The following GRK1 variants were observed in gnomAD, a reference collection of about 807,000 sequenced individuals.
GRK1 encodes G protein-coupled receptor kinase 1.
GRK1 carries 28 observed loss-of-function variants against 41.7 expected under a neutral mutation model. The observed-to-expected ratio is 0.67, with a 90% CI of 0.50 to 0.92. The LOEUF (loss-of-function observed/expected upper bound fraction) is 0.92, where lower values mean the gene tolerates loss of function less well. Among genes scored for constraint, GRK1 ranks in the 40% least tolerant of loss-of-function variants. The pLI, the probability that GRK1 is intolerant of heterozygous loss-of-function variation, is 0.00. For missense variants in GRK1, 703 were observed against 671.2 expected (o/e 1.05, Z -0.52); for synonymous variants, 327 against 286.7 (o/e 1.14, Z -1.42).
chr13:113,735,212 G>C lies in GRK1; in HGVS notation c.1541G>C (p.Cys514Ser), dbSNP rs771561763. The change falls in exon 7 of 7, where the codon TGC becomes TCC. Residue 514 changes from cysteine to serine, a missense_variant. By Grantham distance (112) the Cys-to-Ser change is moderately radical. Transcript: ENST00000335678. ...EFFQEFATGN[C>S]PIPWQEEMIE... ...TTTCAGGAATTTGCCACTGGCAACT[G>C]CCCCATCCCCTGGCAGGAGGAGATG... 3.4e-5 allele frequency: 53 copies of C among 1,537,052 alleles called. No individual in the cohort carries two copies. The highest frequency in any genetic ancestry group is 4.3e-5 in the Non-Finnish European group (49 of 1,146,898).
Position 113,735,599 on chromosome 13 carries a change from T to C in GRK1, c.*236T>C. ...CGACTGCATATTTCACGTCTTTTGC[T>C]CCATCTCACTGAGAAGACATAAGAT... On this transcript the variant is annotated 3_prime_UTR_variant, in exon 7 of 7. Coordinates refer to ENST00000335678, the MANE Select transcript of GRK1 (RefSeq NM_002929.3). The C allele has an allele frequency of 2.2e-6, 1 of 450,764 alleles. No individual in the cohort carries two copies. Among genetic ancestry groups the C allele is most frequent in the Non-Finnish European group, 3.9e-6 (1 of 257,104 alleles). 27.9% of individuals were successfully genotyped at this position (450,764 alleles called of 1,614,324 possible). A position where few individuals can be genotyped will look rare whatever the true frequency, so the allele number is the denominator to read the frequency against.
rs1333325602 is a variant in GRK1 at position 113,671,962 on chromosome 13, G to T, written c.985+306G>T. ...TCTCAGAAATAAACACGAGGGTTTA[G>T]GCTCCCGACAGCGGCAGGTCAGGCA... On this transcript the variant is annotated intron_variant, in intron 3 of 6. Coordinates refer to ENST00000335678, the MANE Select transcript of GRK1 (RefSeq NM_002929.3). The surrounding 1 kb of genome is among the most constrained non-coding windows in gnomAD (Gnocchi z 4.1). 6.6e-6 allele frequency among the ~76,000 whole-genome samples: 1 copy of T among 152,024 alleles called. No homozygotes were observed. Among genetic ancestry groups the T allele is most frequent in the African/African-American group, 2.4e-5 (1 of 41,394 alleles).
chr13:113,723,813 T>C (rs1027831541), intron 4 of GRK1, among the ~76,000 whole-genome samples: 2 of 148,824 alleles, frequency 1.3e-5, no homozygotes, highest in Admixed American at 6.7e-5. Context: ...TGTGTGCCTG[T>C]GTGCCCATGC....
chr13:113,672,019 G>A (rs2049860913), intron 3 of GRK1, among the ~76,000 whole-genome samples: 1 of 151,600 alleles, frequency 6.6e-6, no homozygotes, highest in Admixed American at 6.6e-5. Context: ...CCCTGAGAGA[G>A]TGCGTGGGGG....
chr13:113,728,298 CCCATGGCGATGAGGAA>C, intron 4 of GRK1, among the ~76,000 whole-genome samples: 1 of 112,206 alleles, frequency 8.9e-6, no homozygotes, highest in South Asian at 2.8e-4. Flanking sequence ...ATGAGGAGTA[CCCATGGCGATGAGGAA>C]TACCCATGGC....
At position 113,667,729 on chromosome 13, in the gene GRK1, C is replaced by T; in HGVS notation, c.343C>T (p.Leu115=). Residue 115 remains leucine, a synonymous_variant, in exon 1 of 7, where the codon CTG becomes TTG. Coordinates refer to ENST00000335678, the MANE Select transcript of GRK1 (RefSeq NM_002929.3). The surrounding 1 kb of genome is among the most constrained non-coding windows in gnomAD (Gnocchi z 7.5). ...QKAQTILAQY[L]DPQAKLFCSF... ...GGCCCAGACCATCCTGGCCCAGTAC[C>T]TGGACCCCCAGGCCAAACTCTTCTG... 2 of 1,613,942 alleles carry T rather than the reference C, an allele frequency of 1.2e-6. No individual in the cohort carries two copies. The highest frequency in any genetic ancestry group is 1.7e-6 in the Non-Finnish European group (2 of 1,179,894).
chr13:113,723,171 C>G lies in GRK1; in HGVS notation c.1069+14C>G, dbSNP rs145681382. 1.4e-6 allele frequency: 1 copy of G among 698,796 alleles called. No individual in the cohort carries two copies. The highest frequency in any genetic ancestry group is 2.6e-6 in the Non-Finnish European group (1 of 381,758). 43.3% of individuals were successfully genotyped at this position (698,796 alleles called of 1,614,324 possible). A position where few individuals can be genotyped will look rare whatever the true frequency, so the allele number is the denominator to read the frequency against. On this transcript the variant is annotated intron_variant, in intron 4 of 6. Transcript: ENST00000335678. ...CAGGGACCCCAGGTAAGGGTCTGAG[C>G]GCAGCTGGGGAGGCTCCGTGCATGG...
In GRK1 at chr13:113,667,604, A is replaced by T; in HGVS notation, c.218A>T (p.Gln73Leu). ...LEQPIGKKLF[Q>L]QFLQSAEKHL... The stretch of plus-strand genomic sequence containing the variant: ...CAGCCCATCGGCAAGAAGCTCTTTC[A>T]GCAGTTCCTACAATCGGCAGAGAAG... The change falls in exon 1 of 7, where the codon CAG (glutamine) becomes CTG (leucine). Residue 73 changes from glutamine to leucine, a missense_variant. Gln to Leu is a moderately radical substitution (Grantham distance 113). Transcript: ENST00000335678. The surrounding 1 kb of genome is among the most constrained non-coding windows in gnomAD (Gnocchi z 7.5). 1 of 1,613,588 alleles carries T rather than the reference A, an allele frequency of 6.2e-7. No individual in the cohort carries two copies. Among genetic ancestry groups the T allele is most frequent in the Non-Finnish European group, 8.5e-7 (1 of 1,179,882 alleles).
At chr13:113,655,147 T>C in the GRK1 span, among the ~76,000 whole-genome samples, 5 of 152,102 alleles carry the variant, frequency 3.3e-5, no homozygotes, top group African/African-American at 1.2e-4. Flanking sequence ...ACGTTCTGCC[T>C]CTGGGTTTGC....
In GRK1 at chr13:113,671,974, C is replaced by T. The variant is rs929033443; in HGVS notation, c.985+318C>T. Among the ~76,000 whole-genome samples the T allele has an allele frequency of 0.014, 2,157 of 151,830 alleles. 48 individuals are homozygous for T. The highest frequency in any genetic ancestry group is 0.049 in the African/African-American group (2,034 of 41,344). ...ACACGAGGGTTTAGGCTCCCGACAG[C>T]GGCAGGTCAGGCAAGTGCGAGACAC... On this transcript the variant is annotated intron_variant, in intron 3 of 6. Coordinates refer to ENST00000335678, the MANE Select transcript of GRK1 (RefSeq NM_002929.3). The surrounding 1 kb of genome is among the most constrained non-coding windows in gnomAD (Gnocchi z 4.1).
chr13:113,670,454 G>A (rs976415324), intron 2 of GRK1, among the ~76,000 whole-genome samples: 2 of 152,240 alleles, frequency 1.3e-5, no homozygotes, highest in African/African-American at 2.4e-5. Flanking sequence ...AAGACAATAC[G>A]TGTGAAATAC....
rs1465703361 is a variant in GRK1, at chr13:113,669,783, G to C, written c.796G>C (p.Val266Leu). 5 of 1,613,972 alleles carry C rather than the reference G, an allele frequency of 3.1e-6. No individual in the cohort carries two copies. The highest frequency in any genetic ancestry group is 3.4e-6 in the Non-Finnish European group (4 of 1,179,864). ...TGAAACCAAAGCCGACCTCTGTCTGGTGATGACCATCATGAACGGAGGTGA... is the reference window on the plus strand; with the variant it reads ...TGAAACCAAAGCCGACCTCTGTCTGCTGATGACCATCATGAACGGAGGTGA... ...AFETKADLCL[V>L]MTIMNGGDIR... Residue 266 changes from valine to leucine, a missense_variant, in exon 2 of 7, where the codon GTG becomes CTG. Transcript: ENST00000335678.
chr13:113,727,601 G>C (rs367822997), intron 4 of GRK1, among the ~76,000 whole-genome samples: 2,209 of 149,742 alleles, frequency 0.015, 36 homozygotes, highest in Middle Eastern at 0.021. Flanking sequence ...CCATGGCAAT[G>C]AGGAGTACCC....
At chr13:113,657,593 C>T in the GRK1 span, among the ~76,000 whole-genome samples, 82 of 152,348 alleles carry the variant, frequency 5.4e-4, no homozygotes, top group South Asian at 2.1e-4. Context: ...CGCATCTGGA[C>T]GCCAGCGGGT....
upstream of GRK1, among the ~76,000 whole-genome samples, chr13:113,665,543 G>C (rs2049812200): frequency 6.8e-6 from 1 of 147,986 alleles, no homozygotes; most frequent in East Asian, 2.0e-4. Context: ...GTGTGCCTCA[G>C]CTGTCTTAGG....
At chr13:113,658,287 G>T in the GRK1 span, 1 of 672,444 alleles carries the variant, frequency 1.5e-6, no homozygotes, top group Non-Finnish European at 2.3e-6. Context: ...AGAGGCCAGG[G>T]CCGTTTATCA....
chr13:113,652,622 C>G, the GRK1 span: 2 of 573,202 alleles, frequency 3.5e-6, no homozygotes, highest in East Asian at 6.5e-5. Flanking sequence ...GCAGAGACCC[C>G]TGTTCAAATG....
chr13:113,733,672 CGT>C (rs200262963), intron 6 of GRK1, among the ~76,000 whole-genome samples: 1 of 89,104 alleles, frequency 1.1e-5, no homozygotes, highest in Non-Finnish European at 2.5e-5. Flanking sequence ...CGTGTGTGCA[CGT>C]GTGTGCATGT....
the GRK1 span, chr13:113,652,864 A>G: frequency 6.2e-7 from 1 of 1,613,800 alleles, no homozygotes; most frequent in Non-Finnish European, 8.5e-7. Flanking sequence ...GGAGACCCTC[A>G]GTACTCACCC....
Sources: gnomAD v4.1 joint callset for allele counts (sites outside exome capture counted in the v4.1 genomes callset) on GRCh38, gnomAD v4.1.1 for gene constraint, Gnocchi (gnomAD v3.1) non-coding constraint, MANE v1.5 for transcripts, NCBI Gene and HGNC (gene_info 2026-07-23, HGNC 2026-07-21) for gene names.